The following LRMDA variants were observed in gnomAD, a reference collection of about 807,000 sequenced individuals.
The protein encoded by LRMDA is leucine rich melanocyte differentiation associated, also known as leucine-rich melanocyte differentiation-associated protein.
In LRMDA, 18 loss-of-function variants were observed where a neutral mutation model predicts 29.8. That is an observed-to-expected ratio of 0.60 (90% CI 0.42 to 0.90). The LOEUF (loss-of-function observed/expected upper bound fraction) is 0.90, where lower values mean the gene tolerates loss of function less well. Ranked by LOEUF, LRMDA falls within the 40% of genes least tolerant of loss-of-function variation. The pLI is 0.00. For synonymous variants in LRMDA, 125 were observed against 109.4 expected (o/e 1.14, Z -0.89); for missense variants, 273 against 273.9 (o/e 1.00, Z 0.02).
chr10:76,506,871 T>C lies in LRMDA; in HGVS notation c.602-50338T>C, dbSNP rs569806795. Among the ~76,000 whole-genome samples, 60 of 152,180 alleles carry C rather than the reference T, an allele frequency of 3.9e-4. 1 individual carries two copies. In the South Asian group the frequency reaches 0.012, roughly 31 times the overall value. On this transcript the variant is annotated intron_variant, in intron 6 of 6. Coordinates refer to ENST00000611255, the MANE Select transcript of LRMDA (RefSeq NM_001305581.2). The stretch of plus-strand genomic sequence containing the variant: ...TTATCCATTTATCTGTTGGTGGACA[T>C]TTAGCTTGATTCCATATCTTGGCTA...
intron 2 of LRMDA, among the ~76,000 whole-genome samples, chr10:75,779,960 A>G (rs1256346080): frequency 6.6e-6 from 1 of 152,166 alleles, no homozygotes; most frequent in African/African-American, 2.4e-5. Flanking sequence ...CCTAGATCCA[A>G]AAACTGGTGA....
chr10:75,536,756 TGCTATG>T (rs368574352), intron 2 of LRMDA, among the ~76,000 whole-genome samples: 32 of 152,208 alleles, frequency 2.1e-4, no homozygotes, highest in Admixed American at 5.2e-4. Context: ...ATGGGGGTCT[TGCTATG>T]CTGACCAGGC....
intron 2 of LRMDA, among the ~76,000 whole-genome samples, chr10:75,897,144 A>T (rs998735914): frequency 6.6e-6 from 1 of 152,226 alleles, no homozygotes; most frequent in Non-Finnish European, 1.5e-5. Flanking sequence ...TCCGCCATGT[A>T]TAATAGCAAT....
chr10:75,568,698 T>A (rs964688942), intron 2 of LRMDA, among the ~76,000 whole-genome samples: 1 of 152,210 alleles, frequency 6.6e-6, no homozygotes, highest in Non-Finnish European at 1.5e-5. Flanking sequence ...GTCAGGCATC[T>A]GAATGCCCCA....
At chr10:76,325,715 T>C (rs1451432709) in intron 6 of LRMDA, among the ~76,000 whole-genome samples, 1 of 152,208 alleles carries the variant, frequency 6.6e-6, no homozygotes, top group Non-Finnish European at 1.5e-5. Context: ...ATAAGTTGCA[T>C]AGAAACTGAA....
At chr10:76,188,588 T>A (rs1440531513) in intron 5 of LRMDA, among the ~76,000 whole-genome samples, 1 of 152,198 alleles carries the variant, frequency 6.6e-6, no homozygotes, top group Non-Finnish European at 1.5e-5. Flanking sequence ...CATATTCACC[T>A]GATGGAATAA....
At chr10:76,022,873 A>G (rs895257412) in intron 2 of LRMDA, among the ~76,000 whole-genome samples, 1 of 152,176 alleles carries the variant, frequency 6.6e-6, no homozygotes, top group Admixed American at 6.5e-5. Flanking sequence ...TATCTCAAGC[A>G]TCTCTGTCTG....
intron 2 of LRMDA, among the ~76,000 whole-genome samples, chr10:75,991,008 A>G (rs186619185): frequency 5.9e-5 from 9 of 152,300 alleles, no homozygotes; most frequent in African/African-American, 1.9e-4. Context: ...CTCCTCCTCC[A>G]TAAAGTGAAG....
chr10:76,133,505 C>T (rs1419670933), intron 5 of LRMDA, among the ~76,000 whole-genome samples: 2 of 152,104 alleles, frequency 1.3e-5, no homozygotes. Context: ...ATTCAGGCCC[C>T]CGGGTGCAGG....
At chr10:76,430,832 C>T (rs1262948024) in intron 6 of LRMDA, among the ~76,000 whole-genome samples, 1 of 152,054 alleles carries the variant, frequency 6.6e-6, no homozygotes, top group East Asian at 1.9e-4. Context: ...CCTAATTGTC[C>T]CACAACCCCC....
intron 5 of LRMDA, among the ~76,000 whole-genome samples, chr10:76,157,871 G>T (rs928147519): frequency 1.3e-5 from 2 of 152,068 alleles, no homozygotes; most frequent in Non-Finnish European, 2.9e-5. Flanking sequence ...AATACACCTA[G>T]GCCATATGGT....
At chr10:75,469,241 A>G (rs933600480) in intron 2 of LRMDA, among the ~76,000 whole-genome samples, 1 of 151,536 alleles carries the variant, frequency 6.6e-6, no homozygotes, top group African/African-American at 2.4e-5. Context: ...ATGTTGCCCA[A>G]GCAGATCCTG....
chr10:76,334,040 G>A (rs879204968), intron 6 of LRMDA, among the ~76,000 whole-genome samples: 1 of 152,180 alleles, frequency 6.6e-6, no homozygotes, highest in Non-Finnish European at 1.5e-5. Context: ...TTAATGTAGT[G>A]GAGCTGTGGC....
intron 2 of LRMDA, among the ~76,000 whole-genome samples, chr10:75,897,460 A>G (rs1234986693): frequency 1.3e-5 from 2 of 152,228 alleles, no homozygotes; most frequent in Admixed American, 1.3e-4. Flanking sequence ...AGTGCTTAGC[A>G]ATCACTGAGT....
At chr10:75,645,461 T>C (rs1427406505) in intron 2 of LRMDA, among the ~76,000 whole-genome samples, 2 of 145,026 alleles carry the variant, frequency 1.4e-5, no homozygotes, top group Non-Finnish European at 3.0e-5. Context: ...GAGAGGAGGG[T>C]GGGTTGGTGG....
At chr10:76,264,086 T>C (rs1413148887) in intron 5 of LRMDA, among the ~76,000 whole-genome samples, 1 of 152,094 alleles carries the variant, frequency 6.6e-6, no homozygotes, top group African/African-American at 2.4e-5. Context: ...ATTTGTTCAT[T>C]TACCTTTAAT....
At chr10:76,293,632 C>G (rs1840376519) in intron 5 of LRMDA, among the ~76,000 whole-genome samples, 1 of 152,140 alleles carries the variant, frequency 6.6e-6, no homozygotes, top group South Asian at 2.1e-4. Context: ...AGGGAGATAA[C>G]TATGAGGAGT....
intron 2 of LRMDA, among the ~76,000 whole-genome samples, chr10:75,916,220 C>T (rs1018075018): frequency 2.7e-5 from 4 of 147,290 alleles, no homozygotes; most frequent in Admixed American, 6.8e-5. Flanking sequence ...GTGTGTATAC[C>T]GACCACCATA....
At chr10:75,762,704 T>A (rs1269567293) in intron 2 of LRMDA, among the ~76,000 whole-genome samples, 1 of 152,228 alleles carries the variant, frequency 6.6e-6, no homozygotes, top group Non-Finnish European at 1.5e-5. Context: ...ATAGGATTGT[T>A]GGGGACATTA....
Sources: allele counts gnomAD v4.1 joint callset (sites outside exome capture counted in the v4.1 genomes callset), GRCh38; gene constraint gnomAD v4.1.1; transcripts MANE v1.5; gene names NCBI Gene and HGNC (gene_info 2026-07-23, HGNC 2026-07-21).